Variants in DLG2 observed in about 807,000 individuals in gnomAD.
The protein encoded by DLG2 is disks large homolog 2.
A neutral mutation model predicts 132.5 loss-of-function variants in DLG2; 45 were observed. That is an observed-to-expected ratio of 0.34 (90% CI 0.27 to 0.44). The LOEUF is 0.44. Among genes scored for constraint, DLG2 ranks in the 20% least tolerant of loss-of-function variants. The pLI is 1.00. For missense variants in DLG2, 1,045 were observed against 1,196.9 expected (o/e 0.87, Z 1.87); for synonymous variants, 424 against 419.6 (o/e 1.01, Z -0.13).
At chr11:84,240,937 C>G (rs1432597425) in intron 8 of DLG2, among the ~76,000 whole-genome samples, 2 of 152,012 alleles carry the variant, frequency 1.3e-5, no homozygotes, top group African/African-American at 2.4e-5. Flanking sequence ...AAGCCGATAC[C>G]AAGCAAAAAA....
chr11:84,025,875 G>T (rs1024308704), intron 11 of DLG2, among the ~76,000 whole-genome samples: 5 of 152,070 alleles, frequency 3.3e-5, no homozygotes, highest in Non-Finnish European at 7.3e-5. Flanking sequence ...GCCAAATTGT[G>T]TAAGCATTCT....
intron 9 of DLG2, among the ~76,000 whole-genome samples, chr11:84,113,739 T>C (rs559472381): frequency 6.6e-6 from 1 of 152,298 alleles, no homozygotes; most frequent in South Asian, 2.1e-4. Context: ...ATACATATTA[T>C]ACAAAAATAC....
chr11:84,517,410 A>G (rs2099277100), intron 7 of DLG2, among the ~76,000 whole-genome samples: 1 of 152,070 alleles, frequency 6.6e-6, no homozygotes, highest in Non-Finnish European at 1.5e-5. Context: ...CAATATCACT[A>G]ATCATCAGGG....
intron 6 of DLG2, among the ~76,000 whole-genome samples, chr11:84,994,862 G>T (rs757147250): frequency 1.3e-5 from 2 of 152,112 alleles, no homozygotes; most frequent in Non-Finnish European, 2.9e-5. Flanking sequence ...AGAACATAGG[G>T]CCTCTCTCAT....
intron 3 of DLG2, among the ~76,000 whole-genome samples, chr11:85,495,754 C>T (rs1035661083): frequency 1.3e-5 from 2 of 152,266 alleles, no homozygotes; most frequent in Middle Eastern, 3.4e-3. Flanking sequence ...CCAGAAATAC[C>T]ATTTGACCCA....
chr11:83,845,599 T>A (rs1249659385), intron 16 of DLG2, among the ~76,000 whole-genome samples: 1 of 152,204 alleles, frequency 6.6e-6, no homozygotes, highest in South Asian at 2.1e-4. Context: ...GATCTATGCA[T>A]TAAATATACA....
intron 4 of DLG2, among the ~76,000 whole-genome samples, chr11:85,257,253 T>C (rs2076718150): frequency 6.6e-6 from 1 of 152,236 alleles, no homozygotes. Context: ...TTCCATTTAT[T>C]GGCATGCAAA....
At chr11:84,774,012 A>T (rs2069915225) in intron 6 of DLG2, among the ~76,000 whole-genome samples, 2 of 152,178 alleles carry the variant, frequency 1.3e-5, no homozygotes, top group African/African-American at 4.8e-5. Flanking sequence ...TTCGCTGATG[A>T]TATAATTTTA....
intron 6 of DLG2, among the ~76,000 whole-genome samples, chr11:84,630,477 G>T (rs976758242): frequency 2.6e-5 from 4 of 152,040 alleles, no homozygotes; most frequent in African/African-American, 9.7e-5. Context: ...AACATCATGA[G>T]AATTTAAATG....
At chr11:84,920,905 A>G (rs1269790220) in intron 6 of DLG2, among the ~76,000 whole-genome samples, 1 of 152,186 alleles carries the variant, frequency 6.6e-6, no homozygotes, top group African/African-American at 2.4e-5. Context: ...GAGAAAAAAA[A>G]GACGAAAAAT....
At chr11:84,637,953 T>C (rs571220063) in intron 6 of DLG2, among the ~76,000 whole-genome samples, 1 of 152,374 alleles carries the variant, frequency 6.6e-6, no homozygotes, top group South Asian at 2.1e-4. Flanking sequence ...TAGCCTCTGC[T>C]AATGACTTCA....
chr11:85,440,029 T>C (rs1417197854), intron 3 of DLG2, among the ~76,000 whole-genome samples: 2 of 152,330 alleles, frequency 1.3e-5, no homozygotes, highest in East Asian at 1.9e-4. Flanking sequence ...TCTTACTATA[T>C]GGCTTAGGTA....
chr11:84,571,026 G>A (rs2099481707), intron 6 of DLG2, among the ~76,000 whole-genome samples: 1 of 151,896 alleles, frequency 6.6e-6, no homozygotes, highest in Non-Finnish European at 1.5e-5. Context: ...AGTGAGATGA[G>A]TCTACACACA....
At position 84,245,507 on chromosome 11, in the gene DLG2, C is replaced by A. The variant is rs200641856; in HGVS notation, c.573+5731G>T. Among the ~76,000 whole-genome samples the A allele has an allele frequency of 2.0e-5, 3 of 152,154 alleles. No individual in the cohort carries two copies. The East Asian group carries it at 5.8e-4, about 29-fold the overall frequency. On this transcript the variant is annotated intron_variant, in intron 8 of 27. Coordinates refer to ENST00000376104, the MANE Select transcript of DLG2 (RefSeq NM_001142699.3). ...TTCTTCTACTTTTCTCTCTCCCTTA[C>A]TTTCCTAGGAGGGTTTTCCAAGCAA...
chr11:84,533,971 A>C (rs2099349456), intron 7 of DLG2, among the ~76,000 whole-genome samples: 1 of 149,112 alleles, frequency 6.7e-6, no homozygotes, highest in Non-Finnish European at 1.5e-5. Context: ...GGGCATAGAA[A>C]AGTATTTTTC....
At chr11:83,549,675 T>G (rs1002223102) in intron 19 of DLG2, among the ~76,000 whole-genome samples, 6 of 152,178 alleles carry the variant, frequency 3.9e-5, no homozygotes, top group African/African-American at 1.4e-4. Flanking sequence ...GATCTAAACT[T>G]TAGTTGCTCT....
intron 6 of DLG2, among the ~76,000 whole-genome samples, chr11:85,008,525 C>T (rs891340779): frequency 9.9e-5 from 15 of 152,130 alleles, no homozygotes; most frequent in African/African-American, 3.4e-4. Context: ...CTGAACTGTA[C>T]ATTTTAAAAT....
At chr11:84,879,669 G>T (rs533573172) in intron 6 of DLG2, among the ~76,000 whole-genome samples, 5 of 152,060 alleles carry the variant, frequency 3.3e-5, no homozygotes, top group Admixed American at 2.6e-4. Flanking sequence ...GGGCTAGGAC[G>T]TTCAATTGTC....
intron 3 of DLG2, among the ~76,000 whole-genome samples, chr11:85,375,391 C>A (rs901768881): frequency 1.3e-5 from 2 of 152,220 alleles, no homozygotes; most frequent in African/African-American, 2.4e-5. Context: ...TAAAACTGCT[C>A]TTTTTTCGAC....
Sources: gnomAD v4.1 joint callset for allele counts (sites outside exome capture counted in the v4.1 genomes callset) on GRCh38, gnomAD v4.1.1 for gene constraint, MANE v1.5 for transcripts, NCBI Gene and HGNC (gene_info 2026-07-23, HGNC 2026-07-21) for gene names.